The following RAPGEF5 variants were observed in gnomAD, a reference collection of about 807,000 sequenced individuals.
RAPGEF5 encodes the protein Rap guanine nucleotide exchange factor 5, also known as M-Ras-regulated GEF.
Under a neutral mutation model 125.2 loss-of-function variants are expected in RAPGEF5, and 65 were observed. The observed-to-expected ratio is 0.52, with a 90% confidence interval of 0.43 to 0.64. The LOEUF is 0.64. RAPGEF5 is among the 30% of genes least tolerant of loss of function. The pLI is 0.00. For missense variants in RAPGEF5, 958 were observed against 1,048.1 expected, an observed-to-expected ratio of 0.91 and a Z score of 1.19; for synonymous variants, 391 against 385.9, an observed-to-expected ratio of 1.01 and a Z score of -0.16.
intron 7 of RAPGEF5, among the ~76,000 whole-genome samples, chr7:22,258,996 G>A (rs1311471086): frequency 1.3e-5 from 2 of 152,226 alleles, no homozygotes; most frequent in East Asian, 1.9e-4. Context: ...TGACTCATGC[G>A]AGAAAAAATT....
At chr7:22,230,414 C>T (rs1054348575) in intron 8 of RAPGEF5, among the ~76,000 whole-genome samples, 3 of 152,206 alleles carry the variant, frequency 2.0e-5, no homozygotes, top group African/African-American at 7.2e-5. Flanking sequence ...TAACAGCTGG[C>T]AGCACTAGGG....
intron 9 of RAPGEF5, among the ~76,000 whole-genome samples, chr7:22,218,573 A>C (rs1785698133): frequency 6.6e-6 from 1 of 152,232 alleles, no homozygotes; most frequent in Non-Finnish European, 1.5e-5. Context: ...ATGGCATATG[A>C]AAACTGTTGC....
intron 11 of RAPGEF5, among the ~76,000 whole-genome samples, chr7:22,181,772 G>T (rs1488039716): frequency 2.0e-5 from 3 of 152,090 alleles, no homozygotes; most frequent in Non-Finnish European, 4.4e-5. Context: ...CTGAATGAAA[G>T]AAAAGGTTTC....
intron 21 of RAPGEF5, 49 bp downstream of exon 21, chr7:22,139,976 A>T: frequency 6.9e-7 from 1 of 1,439,232 alleles, no homozygotes; most frequent in East Asian, 2.5e-5. Context: ...CATGTAAATT[A>T]CTTTATTTCC....
At chr7:22,177,783 T>A (rs1339343258) in intron 11 of RAPGEF5, among the ~76,000 whole-genome samples, 1 of 152,202 alleles carries the variant, frequency 6.6e-6, no homozygotes, top group East Asian at 1.9e-4. Context: ...CTGAAGGGCC[T>A]AAGTCCCAGC....
At chr7:22,125,368 CA>C in intron 25 of RAPGEF5, 1 of 434,546 alleles carries the variant, frequency 2.3e-6, no homozygotes, top group Admixed American at 3.7e-5. Flanking sequence ...TCACTCTTCA[CA>C]GCATAAACTT....
chr7:22,230,839 A>G lies in RAPGEF5; in HGVS notation c.870+7T>C. On this transcript the variant is annotated splice_region_variant and intron_variant, in intron 8 of 25. Transcript: ENST00000665637. ...ATGATGAGGGGCTGTCACAGAATTG[A>G]TCATACCTGAGAATCTGGAACACTT... 1 of 1,563,722 alleles carries G rather than the reference A, an allele frequency of 6.4e-7. No homozygotes were observed. The highest frequency in any genetic ancestry group is 8.7e-7 in the Non-Finnish European group (1 of 1,151,670).
At chr7:22,150,886 A>T (rs1470679706) in intron 17 of RAPGEF5, among the ~76,000 whole-genome samples, 2 of 152,242 alleles carry the variant, frequency 1.3e-5, no homozygotes, top group Admixed American at 6.5e-5. Flanking sequence ...ATATATATAC[A>T]CACACAAATA....
At chr7:22,176,410 G>A (rs912417844) in intron 11 of RAPGEF5, among the ~76,000 whole-genome samples, 1 of 152,140 alleles carries the variant, frequency 6.6e-6, no homozygotes, top group Admixed American at 6.5e-5. Context: ...ATAGTCAACT[G>A]CCTCTGTTAA....
At chr7:22,279,252 T>C (rs1027445269) in intron 6 of RAPGEF5, among the ~76,000 whole-genome samples, 9 of 152,204 alleles carry the variant, frequency 5.9e-5, no homozygotes, top group African/African-American at 2.2e-4. Context: ...TTTAAGTAGA[T>C]TAAGTGTTAA....
At chr7:22,318,069 G>C in intron 1 of RAPGEF5, 32 bp from the exon 2 acceptor site, 2 of 1,483,364 alleles carry the variant, frequency 1.3e-6, no homozygotes, top group South Asian at 1.4e-5. Context: ...AAAATAGTTA[G>C]AACCAAATAA....
intron 6 of RAPGEF5, among the ~76,000 whole-genome samples, chr7:22,280,285 G>A (rs972370396): frequency 3.9e-5 from 6 of 152,148 alleles, no homozygotes; most frequent in African/African-American, 4.8e-5. Flanking sequence ...TTGATATGGC[G>A]TCACTTCTCC....
At chr7:22,316,641 C>A (rs558058299) in intron 2 of RAPGEF5, among the ~76,000 whole-genome samples, 1 of 151,276 alleles carries the variant, frequency 6.6e-6, no homozygotes, top group African/African-American at 2.4e-5. Context: ...CAAGCACACA[C>A]CATCAAGCCC....
intron 9 of RAPGEF5, among the ~76,000 whole-genome samples, chr7:22,195,250 T>C (rs1326132707): frequency 6.6e-6 from 1 of 152,156 alleles, no homozygotes; most frequent in Non-Finnish European, 1.5e-5. Flanking sequence ...ATCAGGGATG[T>C]CAATGTATTT....
rs1782883514 is a variant in RAPGEF5, at chr7:22,130,535, T to C, written c.2481+502A>G. On this transcript the variant is annotated intron_variant, in intron 24 of 25. Transcript: ENST00000665637. ...GGCTGATAAAGGAGTGGCCCTTCCC[T>C]TCACACAAGACCCTGCAAATTCCAG... Among the ~76,000 whole-genome samples, 3 of 152,176 alleles carry C rather than the reference T, an allele frequency of 2.0e-5. No individual in the cohort carries two copies. In the South Asian group the frequency reaches 6.2e-4, roughly 32 times the overall value.
At chr7:22,218,783 C>T (rs971873595) in intron 9 of RAPGEF5, among the ~76,000 whole-genome samples, 9 of 152,340 alleles carry the variant, frequency 5.9e-5, no homozygotes, top group Admixed American at 4.6e-4. Context: ...CTGAGACCTA[C>T]ATCCACACTT....
intron 1 of RAPGEF5, among the ~76,000 whole-genome samples, chr7:22,337,043 C>T (rs548006284): frequency 2.0e-5 from 3 of 152,158 alleles, no homozygotes; most frequent in East Asian, 1.9e-4. Context: ...CAGATAGAGC[C>T]GAATTGTCAA....
rs142456669 is a variant in RAPGEF5, at chr7:22,158,142, T to C, written c.1527-257A>G. ...ACCCACAGAAAGTAAAGCTCAGAAG[T>C]GAGGGAGGAACTGGATCTGCTCAGT... On this transcript the variant is annotated intron_variant, in intron 14 of 25. Transcript: ENST00000665637. 3.8e-3 allele frequency among the ~76,000 whole-genome samples: 573 copies of C among 152,252 alleles called. 3 individuals are homozygous for C. Among genetic ancestry groups the C allele is most frequent in the African/African-American group, 0.013 (554 of 41,532 alleles).
chr7:22,266,919 C>A, intron 7 of RAPGEF5, 45 bp downstream of exon 7: 4 of 1,554,778 alleles, frequency 2.6e-6, no homozygotes, highest in South Asian at 1.1e-5. Context: ...TGAAATACCC[C>A]CAAAGAATTA....
Sources: gnomAD v4.1 joint callset for allele counts (sites outside exome capture counted in the v4.1 genomes callset) on GRCh38, gnomAD v4.1.1 for gene constraint, MANE v1.5 for transcripts, NCBI Gene and HGNC (gene_info 2026-07-23, HGNC 2026-07-21) for gene names.